ELOVL6: variants seen among roughly 807,000 people sequenced by gnomAD.
ELOVL6 encodes the protein very long chain fatty acid elongase 6.
ELOVL6 carries 8 observed loss-of-function variants against 31.7 expected under a neutral mutation model. That is an observed-to-expected ratio of 0.25 (90% CI 0.15 to 0.45). The LOEUF is 0.45. Ranked by LOEUF, ELOVL6 falls within the 20% of genes least tolerant of loss-of-function variation. The probability of loss-of-function intolerance (pLI) is 1.00; values close to 1 mark genes in which losing one functional copy is unlikely to be tolerated. For synonymous variants in ELOVL6, 101 were observed against 117.7 expected, an observed-to-expected ratio of 0.86 and a Z score of 0.92; for missense variants, 126 against 326.4, an observed-to-expected ratio of 0.39 and a Z score of 4.73.
chr4:110,093,168 T>C (rs968612636), intron 2 of ELOVL6: 1 of 438,562 alleles, frequency 2.3e-6, no homozygotes, highest in African/African-American at 2.0e-5. Context: ...AGTCATATTT[T>C]TGTCCACACT....
In ELOVL6 at chr4:110,053,337, C is replaced by T. The variant is rs1221760531; in HGVS notation, c.374-1575G>A. 4.6e-5 allele frequency among the ~76,000 whole-genome samples: 7 copies of T among 152,308 alleles called. No homozygotes were observed. In the South Asian group the frequency reaches 6.2e-4, roughly 14 times the overall value. ...CATGTACTTCACAGATGGCCTAAAA[C>T]GCTTGCACTCAGCAAGGTCAAAGAA... On this transcript the variant is annotated intron_variant, in intron 3 of 3. Transcript: ENST00000302274.
intron 1 of ELOVL6, among the ~76,000 whole-genome samples, chr4:110,151,975 T>C (rs768530295): frequency 6.6e-5 from 10 of 152,154 alleles, no homozygotes; most frequent in Non-Finnish European, 1.2e-4. Context: ...AACTAAAAAG[T>C]CCTTATCTGA....
At chr4:110,071,044 G>A (rs566073794) in intron 2 of ELOVL6, among the ~76,000 whole-genome samples, 18 of 152,052 alleles carry the variant, frequency 1.2e-4, no homozygotes, top group Non-Finnish European at 1.5e-4. Context: ...AAACCAGGGA[G>A]GGAAAAAAGT....
chr4:110,120,463 A>G (rs1306580129), intron 1 of ELOVL6, among the ~76,000 whole-genome samples: 2 of 152,144 alleles, frequency 1.3e-5, no homozygotes, highest in Non-Finnish European at 2.9e-5. Flanking sequence ...AACAATAGTT[A>G]AAAAGTATTA....
intron 1 of ELOVL6, among the ~76,000 whole-genome samples, chr4:110,172,535 C>A (rs868581310): frequency 6.6e-6 from 1 of 151,994 alleles, no homozygotes; most frequent in South Asian, 2.1e-4. Context: ...CTGCAAAGTA[C>A]AAGGATTAGA....
At chr4:110,164,704 G>A (rs1418746562) in intron 1 of ELOVL6, among the ~76,000 whole-genome samples, 1 of 140,960 alleles carries the variant, frequency 7.1e-6, no homozygotes, top group African/African-American at 2.8e-5. Flanking sequence ...TCACGCCACT[G>A]CACTCCAGCC....
intron 1 of ELOVL6, among the ~76,000 whole-genome samples, chr4:110,169,239 T>TC (rs1758870454): frequency 2.1e-5 from 1 of 48,460 alleles, no homozygotes; most frequent in South Asian, 5.3e-4. Flanking sequence ...GGGTTTTTTG[T>TC]TTTGTTTTTT....
intron 2 of ELOVL6, among the ~76,000 whole-genome samples, chr4:110,103,302 A>G (rs1194140264): frequency 6.6e-6 from 1 of 151,744 alleles, no homozygotes; most frequent in Non-Finnish European, 1.5e-5. Flanking sequence ...GTAATTAAAG[A>G]AAAAAAAATC....
chr4:110,055,437 A>G (rs763042403), intron 3 of ELOVL6, among the ~76,000 whole-genome samples: 26 of 151,968 alleles, frequency 1.7e-4, no homozygotes, highest in Non-Finnish European at 3.2e-4. Context: ...CATTTTAGCT[A>G]CCTCCTGGCT....
intron 2 of ELOVL6, among the ~76,000 whole-genome samples, chr4:110,084,222 T>TATGATATATATAACATATAAC: frequency 1.7e-5 from 1 of 57,864 alleles, no homozygotes; most frequent in African/African-American, 7.8e-5. Context: ...ATATAACTTA[T>TATGATATATATAACATATAAC]ATGATATATA....
rs201579820 is a variant in ELOVL6 at position 110,141,824 on chromosome 4, CAT to C, written c.90-36198_90-36197del. ...ACAATGTACTAATACAATACAATAC[CAT>C]ATATATATACACTAACACAATACAA... On this transcript the variant is annotated intron_variant, in intron 1 of 3. Coordinates refer to ENST00000302274, the MANE Select transcript of ELOVL6 (RefSeq NM_024090.3). Among the ~76,000 whole-genome samples the C allele has an allele frequency of 7.8e-5, 10 of 128,318 alleles. No individual in the cohort carries two copies. In the East Asian group the frequency reaches 9.1e-4, roughly 12 times the overall value. The allele number at this position is 128,318 out of a possible 152,430, so 84.2% of individuals were successfully genotyped here.
intron 1 of ELOVL6, among the ~76,000 whole-genome samples, chr4:110,176,373 G>A (rs932243182): frequency 2.0e-5 from 3 of 152,032 alleles, no homozygotes; most frequent in Non-Finnish European, 4.4e-5. Flanking sequence ...ATGTTGGCAG[G>A]CTGGTTTCAA....
chr4:110,194,566 T>G (rs1401351770), intron 1 of ELOVL6, among the ~76,000 whole-genome samples: 1 of 152,228 alleles, frequency 6.6e-6, no homozygotes, highest in African/African-American at 2.4e-5. Flanking sequence ...AATGATTCAT[T>G]AAAGCAGCAA....
chr4:110,069,002 C>T (rs964809964), intron 2 of ELOVL6, among the ~76,000 whole-genome samples: 4 of 151,992 alleles, frequency 2.6e-5, no homozygotes, highest in Middle Eastern at 3.4e-3. Flanking sequence ...ATTAGCTGGG[C>T]GTGGTGGCAG....
intron 1 of ELOVL6, among the ~76,000 whole-genome samples, chr4:110,161,302 C>T (rs377441343): frequency 6.6e-6 from 1 of 152,110 alleles, no homozygotes; most frequent in East Asian, 1.9e-4. Flanking sequence ...GTATTATATA[C>T]TAGCATTTGT....
chr4:110,141,062 G>T (rs772612456), intron 1 of ELOVL6, among the ~76,000 whole-genome samples: 4 of 151,356 alleles, frequency 2.6e-5, no homozygotes, highest in Non-Finnish European at 4.4e-5. Flanking sequence ...GTATTGAATT[G>T]GTTTTTTTTG....
intron 2 of ELOVL6, among the ~76,000 whole-genome samples, chr4:110,061,011 T>C (rs1036915247): frequency 1.3e-5 from 2 of 152,200 alleles, no homozygotes; most frequent in Non-Finnish European, 2.9e-5. Flanking sequence ...TTCCTGGCAA[T>C]TGTCTATTAA....
At chr4:110,189,909 C>A (rs758099478) in intron 1 of ELOVL6, among the ~76,000 whole-genome samples, 2 of 150,038 alleles carry the variant, frequency 1.3e-5, no homozygotes, top group African/African-American at 4.9e-5. Flanking sequence ...AGAGCTTGCA[C>A]TGAGCCGAGA....
intron 1 of ELOVL6, among the ~76,000 whole-genome samples, chr4:110,112,269 T>C (rs377440143): frequency 2.7e-4 from 41 of 152,184 alleles, no homozygotes; most frequent in African/African-American, 7.7e-4. Context: ...CACTGAAGTG[T>C]GTGTGTGAAC....
Sources: gnomAD v4.1 joint callset for allele counts (sites outside exome capture counted in the v4.1 genomes callset) on GRCh38, gnomAD v4.1.1 for gene constraint, MANE v1.5 for transcripts, NCBI Gene and HGNC (gene_info 2026-07-23, HGNC 2026-07-21) for gene names.